Variants in CDH13 observed in about 807,000 individuals in gnomAD.
The protein encoded by CDH13 is cadherin-13.
In CDH13, 24 loss-of-function variants were observed where a neutral mutation model predicts 63.8. The observed-to-expected ratio is 0.38, with a 90% CI of 0.27 to 0.53. The LOEUF is 0.53. CDH13 is among the 20% of genes least tolerant of loss of function. CDH13 has a pLI of 0.85. For synonymous variants in CDH13, 503 were observed against 355.3 expected (o/e 1.42, Z -4.67); for missense variants, 1,049 against 903.1 (o/e 1.16, Z -2.07).
chr16:83,637,084 T>C (rs528030155), intron 8 of CDH13, among the ~76,000 whole-genome samples: 14 of 152,354 alleles, frequency 9.2e-5, no homozygotes, highest in African/African-American at 3.4e-4. Context: ...GTTCATGTCC[T>C]TTGCCCTCTT....
At chr16:83,523,069 C>A (rs2074877632) in intron 7 of CDH13, among the ~76,000 whole-genome samples, 1 of 152,176 alleles carries the variant, frequency 6.6e-6, no homozygotes, top group Non-Finnish European at 1.5e-5. Flanking sequence ...TTCTGGACCC[C>A]CGGCCTCCCT....
At chr16:83,603,298 C>T (rs1482886074) in intron 8 of CDH13, among the ~76,000 whole-genome samples, 1 of 152,226 alleles carries the variant, frequency 6.6e-6, no homozygotes, top group Non-Finnish European at 1.5e-5. Context: ...ATTTGATGCC[C>T]TTCTTACTGA....
intron 5 of CDH13, among the ~76,000 whole-genome samples, chr16:83,288,220 C>T (rs985172496): frequency 6.6e-6 from 1 of 152,200 alleles, no homozygotes; most frequent in African/African-American, 2.4e-5. Context: ...TCTCCTCTAG[C>T]CCAGCCCCAA....
chr16:83,574,544 CT>C (rs140404724), intron 7 of CDH13, among the ~76,000 whole-genome samples: 2,593 of 152,298 alleles, frequency 0.017, 65 homozygotes, highest in African/African-American at 0.059. Flanking sequence ...AGGCTCAAAT[CT>C]TGGCCTCACC....
At chr16:83,119,531 G>C (rs74890055) in intron 3 of CDH13, among the ~76,000 whole-genome samples, 2,284 of 152,160 alleles carry the variant, frequency 0.015, 48 homozygotes, top group African/African-American at 0.052. Flanking sequence ...CCTCCTTTAC[G>C]CTGATCTTCA....
intron 2 of CDH13, among the ~76,000 whole-genome samples, chr16:82,990,643 C>A (rs1379975625): frequency 6.6e-6 from 1 of 151,194 alleles, no homozygotes; most frequent in East Asian, 2.0e-4. Flanking sequence ...AACTCCTGGG[C>A]TCAAGTGATT....
chr16:83,691,132 G>A (rs1445188358), intron 10 of CDH13, among the ~76,000 whole-genome samples: 2 of 151,656 alleles, frequency 1.3e-5, no homozygotes, highest in South Asian at 4.2e-4. Flanking sequence ...GAGAGAGAGA[G>A]AGAGGAATAA....
intron 3 of CDH13, 126 bp downstream of exon 3, chr16:83,032,344 G>A: frequency 1.4e-6 from 1 of 738,404 alleles, no homozygotes; most frequent in South Asian, 2.0e-5. Flanking sequence ...TGTTGCAAAT[G>A]ACAGAAATCC....
chr16:83,052,776 C>CAAAAAAAA lies in CDH13; in HGVS notation c.366+20579_366+20586dup, dbSNP rs71148805. Among the ~76,000 whole-genome samples the CAAAAAAAA allele has an allele frequency of 1.9e-4, 18 of 92,870 alleles. 1 individual carries two copies. Among genetic ancestry groups the CAAAAAAAA allele is most frequent in the Admixed American group, 5.6e-4 (5 of 8,882 alleles). The allele number at this position is 92,870 out of a possible 152,430, so 60.9% of individuals were successfully genotyped here. On this transcript the variant is annotated intron_variant, in intron 3 of 13. Transcript: ENST00000567109. ...TGGGTGACAGGGCGAGACTTTATCT[C>CAAAAAAAA]AAAAAAAAAAAAAAAAAAAAAAAAA...
chr16:83,361,542 C>T (rs934573565), intron 6 of CDH13, among the ~76,000 whole-genome samples: 1 of 152,120 alleles, frequency 6.6e-6, no homozygotes, highest in Non-Finnish European at 1.5e-5. Context: ...AGGTTTTCTT[C>T]CAGGATTCTT....
chr16:83,791,609 A>C (rs899234887), intron 13 of CDH13, among the ~76,000 whole-genome samples: 1 of 152,008 alleles, frequency 6.6e-6, no homozygotes, highest in African/African-American at 2.4e-5. Flanking sequence ...TCAGGAGTTC[A>C]AGATCAGCCT....
chr16:83,667,850 T>G (rs985498266), intron 8 of CDH13, among the ~76,000 whole-genome samples: 1 of 151,958 alleles, frequency 6.6e-6, no homozygotes, highest in African/African-American at 2.4e-5. Context: ...TTTAGAGAGA[T>G]GGGAATCTCA....
At chr16:82,807,912 G>A (rs1265033230) in intron 1 of CDH13, among the ~76,000 whole-genome samples, 1 of 152,150 alleles carries the variant, frequency 6.6e-6, no homozygotes, top group Non-Finnish European at 1.5e-5. Flanking sequence ...TTTTCAAACT[G>A]TTCTTTTCCT....
chr16:83,764,121 A>G (rs1293601471), intron 11 of CDH13, among the ~76,000 whole-genome samples: 1 of 152,182 alleles, frequency 6.6e-6, no homozygotes, highest in Non-Finnish European at 1.5e-5. Flanking sequence ...AACTGACTTG[A>G]ACTGAGTCAT....
chr16:83,715,366 A>T (rs1307068134), intron 10 of CDH13, among the ~76,000 whole-genome samples: 1 of 152,020 alleles, frequency 6.6e-6, no homozygotes, highest in Non-Finnish European at 1.5e-5. Context: ...ATCCTCACTG[A>T]CCTTACCCTG....
chr16:82,822,355 G>A (rs914443205), intron 1 of CDH13, among the ~76,000 whole-genome samples: 1 of 152,122 alleles, frequency 6.6e-6, no homozygotes, highest in African/African-American at 2.4e-5. Context: ...ATATTTTTAA[G>A]GTAGAAAAAG....
intron 10 of CDH13, among the ~76,000 whole-genome samples, chr16:83,691,171 C>G (rs1429308346): frequency 6.6e-6 from 1 of 151,564 alleles, no homozygotes; most frequent in African/African-American, 2.4e-5. Context: ...TTGTCCCAAA[C>G]AAATGGAAGC....
intron 7 of CDH13, among the ~76,000 whole-genome samples, chr16:83,508,062 A>AGGAAGGAAGGAAGGAAGGAAGGAAGGAG (rs2074447772): frequency 3.8e-5 from 1 of 26,438 alleles, no homozygotes; most frequent in Non-Finnish European, 9.1e-5. Flanking sequence ...AGAAGAAGGA[A>AGGAAGGAAGGAAGGAAGGAAGGAAGGAG]GGAAGGAAGG....
intron 4 of CDH13, among the ~76,000 whole-genome samples, chr16:83,169,237 C>A (rs113906098): frequency 7.3e-5 from 11 of 151,192 alleles, no homozygotes; most frequent in African/African-American, 2.4e-4. Flanking sequence ...AGTGCAGTGG[C>A]GGGATCTTGG....
Sources: gnomAD v4.1 joint callset for allele counts (sites outside exome capture counted in the v4.1 genomes callset) on GRCh38, gnomAD v4.1.1 for gene constraint, MANE v1.5 for transcripts, NCBI Gene and HGNC (gene_info 2026-07-23, HGNC 2026-07-21) for gene names.